BACH2: variants seen among roughly 807,000 people sequenced by gnomAD.
The protein encoded by BACH2 is transcription regulator protein BACH2.
BACH2 carries 5 observed loss-of-function variants against 61.8 expected under a neutral mutation model. That is an observed-to-expected ratio of 0.08 (90% CI 0.04 to 0.17). The LOEUF (loss-of-function observed/expected upper bound fraction) is 0.17, where lower values mean the gene tolerates loss of function less well. Ranked by LOEUF, BACH2 falls within the 10% of genes least tolerant of loss-of-function variation. The pLI is 1.00. For missense variants in BACH2, 824 were observed against 1,091.1 expected, an observed-to-expected ratio of 0.76 and a Z score of 3.45; for synonymous variants, 446 against 440.1, an observed-to-expected ratio of 1.01 and a Z score of -0.17.
At chr6:90,233,046 T>C (rs1265002388) in intron 3 of BACH2, among the ~76,000 whole-genome samples, 4 of 152,196 alleles carry the variant, frequency 2.6e-5, no homozygotes, top group African/African-American at 7.2e-5. Flanking sequence ...GCAGGAGATA[T>C]CATGTTTCAA....
intron 4 of BACH2, among the ~76,000 whole-genome samples, chr6:90,153,765 A>G (rs1206839892): frequency 6.6e-6 from 1 of 152,222 alleles, no homozygotes; most frequent in East Asian, 1.9e-4. Context: ...GTGAGGAAAT[A>G]AAACACTCCT....
At chr6:90,185,103 C>T (rs903716846) in intron 4 of BACH2, among the ~76,000 whole-genome samples, 3 of 152,156 alleles carry the variant, frequency 2.0e-5, no homozygotes, top group African/African-American at 4.8e-5. Flanking sequence ...CTGCTATAAA[C>T]AAATGTGCAT....
intron 6 of BACH2, among the ~76,000 whole-genome samples, chr6:89,979,399 GAACT>G (rs916223293): frequency 5.7e-4 from 87 of 152,262 alleles, no homozygotes; most frequent in African/African-American, 1.9e-3. Context: ...CTTGCACAAA[GAACT>G]AACTGTCCAA....
rs1434164072 is a variant in BACH2, at chr6:89,932,057, A to G, written c.*351T>C. On this transcript the variant is annotated 3_prime_UTR_variant, in exon 9 of 9. Coordinates refer to ENST00000257749, the MANE Select transcript of BACH2 (RefSeq NM_021813.4). ...GAAAAAAATTGAACATTCAGAAGAA[A>G]TTCCTGAGATAGGGTTTGTGACATG... The G allele has an allele frequency of 5.2e-6, 1 of 191,936 alleles. No individual in the cohort carries two copies. The highest frequency in any genetic ancestry group is 1.2e-4 in the East Asian group (1 of 8,610). 11.9% of individuals were successfully genotyped at this position (191,936 alleles called of 1,614,324 possible).
At chr6:90,006,840 A>G (rs1189561281) in intron 6 of BACH2, among the ~76,000 whole-genome samples, 1 of 151,364 alleles carries the variant, frequency 6.6e-6, no homozygotes, top group African/African-American at 2.4e-5. Flanking sequence ...ACAGTCTTGA[A>G]CTCCTGAACT....
At chr6:89,964,691 G>A (rs1196172604) in intron 6 of BACH2, among the ~76,000 whole-genome samples, 1 of 152,124 alleles carries the variant, frequency 6.6e-6, no homozygotes, top group African/African-American at 2.4e-5. Context: ...TTCAACTACT[G>A]GTCGAGGAGA....
At chr6:90,056,974 T>C (rs919007042) in intron 5 of BACH2, among the ~76,000 whole-genome samples, 2 of 151,966 alleles carry the variant, frequency 1.3e-5, no homozygotes, top group African/African-American at 2.4e-5. Flanking sequence ...TTCAAAGCAG[T>C]GTGTAGAGGG....
intron 5 of BACH2, among the ~76,000 whole-genome samples, chr6:90,035,259 C>A (rs945768256): frequency 6.6e-6 from 1 of 152,094 alleles, no homozygotes; most frequent in Non-Finnish European, 1.5e-5. Flanking sequence ...AATGAAAATA[C>A]ACTCAGCTGC....
At chr6:90,233,574 TG>T (rs1426448563) in intron 3 of BACH2, among the ~76,000 whole-genome samples, 1 of 152,188 alleles carries the variant, frequency 6.6e-6, no homozygotes, top group Non-Finnish European at 1.5e-5. Context: ...GCCTGACAAT[TG>T]GGAATAATAA....
At chr6:89,990,900 C>T (rs137925760) in intron 6 of BACH2, among the ~76,000 whole-genome samples, 157 of 152,342 alleles carry the variant, frequency 1.0e-3, no homozygotes, top group African/African-American at 3.6e-3. Flanking sequence ...ACAGTAGATG[C>T]TCAATGCAAA....
intron 4 of BACH2, among the ~76,000 whole-genome samples, chr6:90,092,221 G>A (rs573933312): frequency 6.8e-6 from 1 of 146,592 alleles, no homozygotes; most frequent in Non-Finnish European, 1.5e-5. Flanking sequence ...ATACTTCGAA[G>A]CAACCCACTT....
intron 4 of BACH2, among the ~76,000 whole-genome samples, chr6:90,162,657 A>T (rs950137863): frequency 2.6e-5 from 4 of 152,188 alleles, no homozygotes; most frequent in Admixed American, 1.3e-4. Context: ...AATAAAAAAT[A>T]AAATAAAAAC....
intron 4 of BACH2, among the ~76,000 whole-genome samples, chr6:90,108,262 T>A (rs1294741782): frequency 6.6e-6 from 1 of 152,180 alleles, no homozygotes; most frequent in Non-Finnish European, 1.5e-5. Context: ...TGGTATTAAT[T>A]ATCATTAGTA....
intron 4 of BACH2, among the ~76,000 whole-genome samples, chr6:90,133,527 T>TTTATTTA (rs536335750): frequency 1.4e-5 from 2 of 141,736 alleles, no homozygotes; most frequent in African/African-American, 6.2e-5. Context: ...TTTTATTTTA[T>TTTATTTA]TTTATTTATT....
chr6:90,145,003 C>T (rs1048770157), intron 4 of BACH2, among the ~76,000 whole-genome samples: 2 of 152,266 alleles, frequency 1.3e-5, no homozygotes, highest in East Asian at 1.9e-4. Flanking sequence ...TCCCAGAGAT[C>T]GTGACCTTTC....
chr6:90,271,823 A>C (rs1407013835), intron 2 of BACH2, 26 bp downstream of exon 2: 2 of 152,372 alleles, frequency 1.3e-5, no homozygotes, highest in Non-Finnish European at 2.9e-5. Context: ...TATGAAACAA[A>C]GACCAAGCTG....
At chr6:90,269,712 C>T (rs1771459256) in intron 2 of BACH2, among the ~76,000 whole-genome samples, 1 of 152,052 alleles carries the variant, frequency 6.6e-6, no homozygotes, top group Non-Finnish European at 1.5e-5. Context: ...AAATAGCAGC[C>T]CCAAGTGTGG....
chr6:90,044,259 T>C (rs182372677), intron 5 of BACH2, among the ~76,000 whole-genome samples: 4 of 152,248 alleles, frequency 2.6e-5, no homozygotes, highest in Admixed American at 2.6e-4. Flanking sequence ...GAAGATCTCA[T>C]TTAGGCAGAT....
At position 90,105,514 on chromosome 6, in the gene BACH2, G is replaced by A. The variant is rs77464797; in HGVS notation, c.-161-16405C>T. On this transcript the variant is annotated intron_variant, in intron 4 of 8. Coordinates refer to ENST00000257749, the MANE Select transcript of BACH2 (RefSeq NM_021813.4). ...AGACAAACCAGCAGTAGTTATACAC[G>A]GCAAGTAAGGACCAAAACATAGGCA... Among the ~76,000 whole-genome samples, 814 of 152,226 alleles carry A rather than the reference G, an allele frequency of 5.3e-3. 9 individuals carry two copies. The highest frequency in any genetic ancestry group is 0.017 in the African/African-American group (724 of 41,526).
Sources: allele counts gnomAD v4.1 joint callset (sites outside exome capture counted in the v4.1 genomes callset), GRCh38; gene constraint gnomAD v4.1.1; transcripts MANE v1.5; gene names NCBI Gene and HGNC (gene_info 2026-07-23, HGNC 2026-07-21).